PTGES: variants seen among roughly 807,000 people sequenced by gnomAD.
PTGES encodes the protein prostaglandin E synthase.
Under a neutral mutation model 11.8 loss-of-function variants are expected in PTGES, and 3 were observed. That is an observed-to-expected ratio of 0.25 (90% CI 0.12 to 0.66). The LOEUF is 0.66. PTGES is among the 30% of genes least tolerant of loss of function. The pLI, the probability that PTGES is intolerant of heterozygous loss-of-function variation, is 0.82. For missense variants in PTGES, 180 were observed against 213.0 expected (o/e 0.85, Z 0.96); for synonymous variants, 94 against 90.4 (o/e 1.04, Z -0.22).
At chr9:129,748,477 T>C (rs143087279) in intron 2 of PTGES, among the ~76,000 whole-genome samples, 178 bp downstream of exon 2, 1 of 152,368 alleles carries the variant, frequency 6.6e-6, no homozygotes, top group African/African-American at 2.4e-5. Context: ...GACCACGTCT[T>C]ACTTTTCCAA....
chr9:129,742,513 G>A (rs1389503449), intron 2 of PTGES, among the ~76,000 whole-genome samples: 1 of 152,058 alleles, frequency 6.6e-6, no homozygotes, highest in Non-Finnish European at 1.5e-5. Flanking sequence ...AGTGCCACCT[G>A]GATGAGGAGT....
chr9:129,750,308 C>T (rs530452424), intron 1 of PTGES, among the ~76,000 whole-genome samples: 43 of 152,322 alleles, frequency 2.8e-4, no homozygotes, highest in Non-Finnish European at 5.1e-4. Flanking sequence ...CTGGTTTGTC[C>T]TCCCTGGTGG....
chr9:129,743,040 G>A (rs968169224), intron 2 of PTGES, among the ~76,000 whole-genome samples: 2 of 152,244 alleles, frequency 1.3e-5, no homozygotes, highest in African/African-American at 4.8e-5. Flanking sequence ...CGTGGATCCT[G>A]CTCTGCCTGG....
At chr9:129,749,695 C>T (rs551541397) in intron 1 of PTGES, 12 of 152,322 alleles carry the variant, frequency 7.9e-5, no homozygotes, top group Admixed American at 5.9e-4. Context: ...GATGCATTGA[C>T]ATTAACCAGA....
chr9:129,739,859 C>T lies in PTGES; in HGVS notation c.211G>A (p.Ala71Thr), dbSNP rs199892252. Residue 71 changes from alanine to threonine, a missense_variant and splice_region_variant, in exon 3 of 3, where the codon GCC becomes ACC. Coordinates refer to ENST00000340607, the MANE Select transcript of PTGES (RefSeq NM_004878.5). The surrounding 1 kb of genome is among the most constrained non-coding windows in gnomAD (Gnocchi z 5.7). ...ATGGTCTCCATGTCGTTCCGGTGGGCCCTGGGGAGACAAGAGGGGTGCGGT... is the reference window on the plus strand; with the variant it reads ...ATGGTCTCCATGTCGTTCCGGTGGGTCCTGGGGAGACAAGAGGGGTGCGGT... ...SDPDVERCLR[A>T]HRNDMETIYP... The T allele has an allele frequency of 8.7e-5, 136 of 1,565,796 alleles. No homozygotes were observed. The highest frequency in any genetic ancestry group is 1.2e-4 in the Non-Finnish European group (133 of 1,154,724).
intron 1 of PTGES, chr9:129,749,483 A>G (rs1220767235): frequency 6.6e-6 from 1 of 152,324 alleles, no homozygotes; most frequent in African/African-American, 2.4e-5. Flanking sequence ...CCCCCTCTAT[A>G]AAAAATACAA....
At chr9:129,743,284 T>C (rs1018301332) in intron 2 of PTGES, among the ~76,000 whole-genome samples, 20 of 152,008 alleles carry the variant, frequency 1.3e-4, no homozygotes, top group African/African-American at 4.8e-4. Flanking sequence ...CAGGGAGCAA[T>C]GGAGACACCA....
intron 2 of PTGES, among the ~76,000 whole-genome samples, chr9:129,742,887 G>C (rs73670201): frequency 3.4e-3 from 521 of 151,838 alleles, no homozygotes; most frequent in African/African-American, 0.012. Flanking sequence ...AAAAAAAAGA[G>C]TAAGTCAATG....
intron 1 of PTGES, among the ~76,000 whole-genome samples, chr9:129,750,970 C>G (rs1028549472): frequency 1.3e-5 from 2 of 152,202 alleles, no homozygotes; most frequent in African/African-American, 4.8e-5. Context: ...TGCGGTGTCC[C>G]TGCCAATCAG....
chr9:129,752,799 C>T, intron 1 of PTGES, 88 bp downstream of exon 1: 2 of 1,601,344 alleles, frequency 1.2e-6, no homozygotes, highest in South Asian at 1.1e-5. Context: ...CACACCTTGG[C>T]CATGTTTCCC....
Position 129,739,383 on chromosome 9 carries a change from C to T in PTGES, c.*228G>A. On this transcript the variant is annotated 3_prime_UTR_variant, in exon 3 of 3. Transcript: ENST00000340607. The surrounding 1 kb of genome is among the most constrained non-coding windows in gnomAD (Gnocchi z 5.7). ...CAATCTGTCTTGAAATGGTTCCCAT[C>T]AGCCACTTCGTGCAGGAATCCAAGG... 1.7e-6 allele frequency: 1 copy of T among 585,128 alleles called. No individual in the cohort carries two copies. Among genetic ancestry groups the T allele is most frequent in the Non-Finnish European group, 3.0e-6 (1 of 338,186 alleles). 36.2% of individuals were successfully genotyped at this position (585,128 alleles called of 1,614,324 possible). A position where few individuals can be genotyped will look rare whatever the true frequency, so the allele number is the denominator to read the frequency against.
rs193079769 is a variant in PTGES at position 129,745,768 on chromosome 9, G to A, written c.209+2887C>T. On this transcript the variant is annotated intron_variant, in intron 2 of 2. Coordinates refer to ENST00000340607, the MANE Select transcript of PTGES (RefSeq NM_004878.5). The surrounding 1 kb of genome is among the most constrained non-coding windows in gnomAD (Gnocchi z 4.2). ...TTTTGGGCTGGGCGCAATGGCTCAC[G>A]CCTGTAATCCCAGCACTTTGGAAGC... is the stretch of plus-strand genomic sequence containing the variant. 2.6e-5 allele frequency among the ~76,000 whole-genome samples: 4 copies of A among 152,274 alleles called. No homozygotes were observed. The highest frequency in any genetic ancestry group is 6.5e-5 in the Admixed American group (1 of 15,296).
Position 129,739,420 on chromosome 9 carries a change from A to G in PTGES, c.*191T>C. 1.4e-6 allele frequency: 1 copy of G among 729,486 alleles called. No homozygotes were observed. Among genetic ancestry groups the G allele is most frequent in the Non-Finnish European group, 2.1e-6 (1 of 466,366 alleles). The allele number at this position is 729,486 out of a possible 1,614,324, so 45.2% of individuals were successfully genotyped here. A position where few individuals can be genotyped will look rare whatever the true frequency, so the allele number is the denominator to read the frequency against. ...GCAGGAATCCAAGGGGCTAAGAAAC[A>G]TACACACACACATACACACACACGG... On this transcript the variant is annotated 3_prime_UTR_variant, in exon 3 of 3. Transcript: ENST00000340607. The surrounding 1 kb of genome is among the most constrained non-coding windows in gnomAD (Gnocchi z 5.7).
intron 2 of PTGES, among the ~76,000 whole-genome samples, chr9:129,744,837 A>AGCAAGCCGAAACCACGCTC (rs1564162832): frequency 2.6e-5 from 4 of 151,876 alleles, no homozygotes; most frequent in Non-Finnish European, 5.9e-5. Flanking sequence ...AAACCACGCT[A>AGCAAGCCGAAACCACGCTC]TTGCACTCCA....
chr9:129,746,230 C>T (rs1055741720), intron 2 of PTGES, among the ~76,000 whole-genome samples: 2 of 152,172 alleles, frequency 1.3e-5, no homozygotes, highest in Admixed American at 1.3e-4. Flanking sequence ...AGCCAAAACG[C>T]ATCCTCTTGG....
chr9:129,748,294 C>T (rs1053924172), intron 2 of PTGES, among the ~76,000 whole-genome samples: 4 of 149,170 alleles, frequency 2.7e-5, no homozygotes, highest in Admixed American at 6.7e-5. Flanking sequence ...ACGGGAAAAG[C>T]GTGGCACACA....
chr9:129,741,193 G>A (rs531258570), intron 2 of PTGES, among the ~76,000 whole-genome samples: 2 of 152,314 alleles, frequency 1.3e-5, no homozygotes, highest in Non-Finnish European at 2.9e-5. Context: ...GCCCTGCAGG[G>A]GAAAAGCATT....
chr9:129,739,369 GA>G lies in PTGES; in HGVS notation c.*241del, dbSNP rs1172201629. ...TCTATCAATCTTCACAATCTGTCTT[GA>G]AATGGTTCCCATCAGCCACTTCGTG... On this transcript the variant is annotated 3_prime_UTR_variant, in exon 3 of 3. Transcript: ENST00000340607. This position sits in a 1 kb window ranked among gnomAD's most constrained non-coding sequence, Gnocchi z 5.7. 1.8e-6 allele frequency: 1 copy of G among 550,868 alleles called. No individual in the cohort carries two copies. The highest frequency in any genetic ancestry group is 3.2e-6 in the Non-Finnish European group (1 of 312,790). 34.1% of individuals were successfully genotyped at this position (550,868 alleles called of 1,614,324 possible). A position where few individuals can be genotyped will look rare whatever the true frequency, so the allele number is the denominator to read the frequency against.
intron 1 of PTGES, among the ~76,000 whole-genome samples, 166 bp downstream of exon 1, chr9:129,752,721 C>T (rs183663374): frequency 2.1e-4 from 32 of 152,374 alleles, no homozygotes; most frequent in African/African-American, 7.2e-4. Context: ...GCAGGCCTTG[C>T]TGACACGTGG....
Sources: gnomAD v4.1 joint callset for allele counts (sites outside exome capture counted in the v4.1 genomes callset) on GRCh38, gnomAD v4.1.1 for gene constraint, Gnocchi (gnomAD v3.1) non-coding constraint, MANE v1.5 for transcripts, NCBI Gene and HGNC (gene_info 2026-07-23, HGNC 2026-07-21) for gene names.